The following ARHGAP20 variants were observed in gnomAD, a reference collection of about 807,000 sequenced individuals.
ARHGAP20 encodes rho GTPase-activating protein 20.
Under a neutral mutation model 73.7 loss-of-function variants are expected in ARHGAP20, and 34 were observed. That is an observed-to-expected ratio of 0.46 (90% CI 0.35 to 0.61). The LOEUF (loss-of-function observed/expected upper bound fraction) is 0.61, where lower values mean the gene tolerates loss of function less well. Ranked by LOEUF, ARHGAP20 falls within the 20% of genes least tolerant of loss-of-function variation. The pLI, the probability that ARHGAP20 is intolerant of heterozygous loss-of-function variation, is 0.00. For missense variants in ARHGAP20, 1,314 were observed against 1,420.9 expected (o/e 0.92, Z 1.21); for synonymous variants, 523 against 518.2 (o/e 1.01, Z -0.13).
chr11:110,694,180 C>T (rs1950293984), intron 1 of ARHGAP20, among the ~76,000 whole-genome samples: 1 of 151,722 alleles, frequency 6.6e-6, no homozygotes, highest in Non-Finnish European at 1.5e-5. Context: ...GAAGTAGTAC[C>T]TATCTATCTC....
chr11:110,614,489 T>G (rs1314952627), intron 6 of ARHGAP20, 72 bp downstream of exon 6: 8 of 1,394,750 alleles, frequency 5.7e-6, no homozygotes, highest in Non-Finnish European at 8.1e-6. Context: ...GCCTGCTCTC[T>G]CTCTTCTTAT....
In ARHGAP20 at chr11:110,580,781, T is replaced by A; in HGVS notation, c.2165A>T (p.Tyr722Phe). 1 of 1,614,080 alleles carries A rather than the reference T, an allele frequency of 6.2e-7. No homozygotes were observed. The highest frequency in any genetic ancestry group is 2.2e-5 in the East Asian group (1 of 44,874). The change falls in exon 15 of 15, where the codon TAT (tyrosine) becomes TTT (phenylalanine). Residue 722 changes from tyrosine to phenylalanine, a missense_variant. Physicochemically the swap from Tyr to Phe is conservative, Grantham distance 22 (BLOSUM62 3). Around this residue, in one of 3 missense-constraint regions of ARHGAP20, gnomAD observed 641 missense variants for 636.9 expected, o/e 1.01. Coordinates refer to ENST00000683387, the MANE Select transcript of ARHGAP20 (RefSeq NM_001384657.1). ...GCTGGACTTGCGTAGCTTTTTCTGA[T>A]AAAACTCCCTGAGGTAGGAAAGCTT... Reference protein sequence around the residue: ...DSKLSYLREFYQKKLRKSSCD... With the variant: ...DSKLSYLREFFQKKLRKSSCD...
At chr11:110,616,764 T>C (rs1003467610) in intron 4 of ARHGAP20, among the ~76,000 whole-genome samples, 1 of 152,086 alleles carries the variant, frequency 6.6e-6, no homozygotes, top group Non-Finnish European at 1.5e-5. Flanking sequence ...TATTCTCTTT[T>C]CTAAAATAGA....
intron 1 of ARHGAP20, among the ~76,000 whole-genome samples, chr11:110,693,797 A>T (rs1950286533): frequency 1.3e-5 from 2 of 151,900 alleles, no homozygotes; most frequent in Non-Finnish European, 2.9e-5. Flanking sequence ...GTACAAACTT[A>T]TCAGGACAGG....
chr11:110,612,406 C>T (rs1307912636), intron 6 of ARHGAP20, among the ~76,000 whole-genome samples: 6 of 150,716 alleles, frequency 4.0e-5, no homozygotes, highest in Admixed American at 6.6e-5. Context: ...CCAGCCTGGG[C>T]GACAGAGCGA....
chr11:110,666,125 C>T (rs1446569622), intron 2 of ARHGAP20, among the ~76,000 whole-genome samples: 4 of 152,064 alleles, frequency 2.6e-5, no homozygotes, highest in Non-Finnish European at 4.4e-5. Context: ...CCATTTACAA[C>T]AGCATCAAAC....
At chr11:110,689,067 C>T (rs1451711632) in intron 2 of ARHGAP20, among the ~76,000 whole-genome samples, 1 of 149,064 alleles carries the variant, frequency 6.7e-6, no homozygotes, top group Non-Finnish European at 1.5e-5. Context: ...GGCACGATCT[C>T]GGCTCACTGC....
intron 2 of ARHGAP20, among the ~76,000 whole-genome samples, chr11:110,676,698 G>C (rs980420834): frequency 7.2e-5 from 11 of 152,010 alleles, no homozygotes; most frequent in African/African-American, 1.7e-4. Context: ...GTACCTCCTT[G>C]CATTTTCCAA....
chr11:110,648,106 G>A (rs1181734151), intron 2 of ARHGAP20, among the ~76,000 whole-genome samples: 6 of 147,258 alleles, frequency 4.1e-5, no homozygotes, highest in African/African-American at 1.2e-4. Context: ...CTTTGGGACC[G>A]CACGATCTTC....
intron 2 of ARHGAP20, among the ~76,000 whole-genome samples, chr11:110,674,214 G>A (rs1042115284): frequency 9.2e-5 from 14 of 152,136 alleles, no homozygotes; most frequent in East Asian, 1.9e-4. Context: ...GATTACAGGC[G>A]TGAGCCACCA....
intron 2 of ARHGAP20, among the ~76,000 whole-genome samples, chr11:110,676,722 T>C (rs1274287584): frequency 6.6e-6 from 1 of 152,174 alleles, no homozygotes; most frequent in Non-Finnish European, 1.5e-5. Context: ...TTCCAAAATG[T>C]ACATACATTA....
chr11:110,677,220 A>T (rs531015128), intron 2 of ARHGAP20, among the ~76,000 whole-genome samples: 1 of 152,280 alleles, frequency 6.6e-6, no homozygotes, highest in Admixed American at 6.5e-5. Flanking sequence ...ACAATAAAGA[A>T]CTCCTAAAAC....
chr11:110,661,328 A>G (rs1387252760), intron 2 of ARHGAP20, among the ~76,000 whole-genome samples: 2 of 152,144 alleles, frequency 1.3e-5, no homozygotes, highest in East Asian at 3.9e-4. Flanking sequence ...TGGGGGAAAA[A>G]CAGCAGGAGG....
intron 9 of ARHGAP20, among the ~76,000 whole-genome samples, chr11:110,596,225 T>C (rs905907393): frequency 9.0e-4 from 136 of 151,706 alleles, no homozygotes; most frequent in African/African-American, 2.6e-3. Flanking sequence ...ATTCAGGACA[T>C]AGGCATGGGC....
chr11:110,665,477 A>T (rs904066996), intron 2 of ARHGAP20, among the ~76,000 whole-genome samples: 2 of 152,194 alleles, frequency 1.3e-5, no homozygotes, highest in African/African-American at 4.8e-5. Flanking sequence ...CAGAACAATG[A>T]TTCCTAAGAA....
intron 2 of ARHGAP20, among the ~76,000 whole-genome samples, chr11:110,640,825 C>T (rs908254180): frequency 1.3e-5 from 2 of 151,782 alleles, no homozygotes; most frequent in South Asian, 2.1e-4. Context: ...ATGGGTGCAG[C>T]GCACCAACAT....
At chr11:110,629,233 T>C (rs769488798) in intron 3 of ARHGAP20, among the ~76,000 whole-genome samples, 2 of 152,154 alleles carry the variant, frequency 1.3e-5, no homozygotes, top group Admixed American at 6.5e-5. Flanking sequence ...GAAGCAGCCG[T>C]TGGAAGTAAG....
intron 2 of ARHGAP20, among the ~76,000 whole-genome samples, chr11:110,655,391 T>A (rs1949443191): frequency 6.6e-6 from 1 of 152,110 alleles, no homozygotes; most frequent in African/African-American, 2.4e-5. Context: ...AGCAGTAAAA[T>A]CTGGAGAGAG....
At chr11:110,608,570 T>C (rs1948287988) in intron 8 of ARHGAP20, among the ~76,000 whole-genome samples, 2 of 152,080 alleles carry the variant, frequency 1.3e-5, no homozygotes, top group South Asian at 4.1e-4. Context: ...TGAATTAAGA[T>C]GCATGGTTGT....
Sources: gnomAD v4.1 joint callset for allele counts (sites outside exome capture counted in the v4.1 genomes callset) on GRCh38, gnomAD v4.1.1 for gene constraint, gnomAD v4.1.1 regional missense constraint, MANE v1.5 for transcripts, NCBI Gene and HGNC (gene_info 2026-07-23, HGNC 2026-07-21) for gene names.